CNTN1: variants seen among roughly 807,000 people sequenced by gnomAD.
CNTN1 encodes the protein contactin-1.
Under a neutral mutation model 126.4 loss-of-function variants are expected in CNTN1, and 38 were observed. That is an observed-to-expected ratio of 0.30 (90% CI 0.23 to 0.39). The LOEUF is 0.39. Ranked by LOEUF, CNTN1 falls within the 10% of genes least tolerant of loss-of-function variation. CNTN1 has a pLI of 1.00. For synonymous variants in CNTN1, 413 were observed against 422.6 expected (o/e 0.98, Z 0.28); for missense variants, 1,009 against 1,248.4 (o/e 0.81, Z 2.89).
intron 1 of CNTN1, among the ~76,000 whole-genome samples, chr12:40,781,135 T>A (rs907129933): frequency 2.6e-5 from 4 of 151,874 alleles, no homozygotes; most frequent in African/African-American, 9.7e-5. Flanking sequence ...GCAAAGAGAA[T>A]AGTGCATCTT....
chr12:40,841,421 A>G (rs67460503), intron 1 of CNTN1, among the ~76,000 whole-genome samples: 3,031 of 152,196 alleles, frequency 0.02, 35 homozygotes, highest in African/African-American at 0.029. Flanking sequence ...TATTCTCCCT[A>G]TCTCATTTTA....
chr12:40,822,146 A>ATTTTTT (rs1315956279), intron 1 of CNTN1, among the ~76,000 whole-genome samples: 1 of 81,894 alleles, frequency 1.2e-5, no homozygotes, highest in South Asian at 4.2e-4. Context: ...CAAAATATAA[A>ATTTTTT]TCTTTTTTTT....
intron 23 of CNTN1, among the ~76,000 whole-genome samples, chr12:41,046,187 C>T (rs767777791): frequency 1.8e-4 from 28 of 152,052 alleles, no homozygotes; most frequent in Non-Finnish European, 2.5e-4. Context: ...TGTCCTGTGT[C>T]CTGCCTCAGC....
At chr12:41,023,958 T>C (rs202079925) in intron 20 of CNTN1, among the ~76,000 whole-genome samples, 1 of 152,186 alleles carries the variant, frequency 6.6e-6, no homozygotes, top group East Asian at 1.9e-4. Context: ...ACAAACGTGC[T>C]ATTTGTCTTG....
At chr12:41,047,878 T>C (rs578081134) in intron 23 of CNTN1, among the ~76,000 whole-genome samples, 2 of 152,156 alleles carry the variant, frequency 1.3e-5, no homozygotes, top group South Asian at 4.2e-4. Context: ...CCACTTCCTA[T>C]CTTTACTCTT....
intron 1 of CNTN1, among the ~76,000 whole-genome samples, chr12:40,836,347 A>C (rs1942061023): frequency 2.0e-5 from 3 of 150,774 alleles, no homozygotes; most frequent in Admixed American, 6.6e-5. Context: ...AGATGCAATG[A>C]TATTATATTC....
chr12:41,015,034 C>T (rs1200101726), intron 18 of CNTN1, among the ~76,000 whole-genome samples: 1 of 152,024 alleles, frequency 6.6e-6, no homozygotes, highest in Non-Finnish European at 1.5e-5. Context: ...AATTTAGGCT[C>T]CAAAGGATTT....
intron 1 of CNTN1, among the ~76,000 whole-genome samples, chr12:40,720,799 C>T (rs1426814907): frequency 6.6e-6 from 1 of 151,772 alleles, no homozygotes; most frequent in Non-Finnish European, 1.5e-5. Context: ...CGTGGCAGTG[C>T]ATGCCTGTAA....
intron 1 of CNTN1, among the ~76,000 whole-genome samples, chr12:40,907,527 A>G (rs1007747436): frequency 2.6e-5 from 4 of 152,228 alleles, no homozygotes; most frequent in Non-Finnish European, 4.4e-5. Flanking sequence ...TCCTGGGTGA[A>G]ACTTTAGCAG....
chr12:40,713,746 C>T (rs1190408060), intron 1 of CNTN1, among the ~76,000 whole-genome samples: 2 of 151,992 alleles, frequency 1.3e-5, no homozygotes, highest in Non-Finnish European at 2.9e-5. Context: ...TCTATATGTT[C>T]CCAATACAAT....
chr12:40,985,081 C>A (rs746646462), intron 16 of CNTN1, among the ~76,000 whole-genome samples: 1 of 151,976 alleles, frequency 6.6e-6, no homozygotes, highest in Admixed American at 6.6e-5. Context: ...AAGTCTTTTA[C>A]TAACAGTTTC....
intron 1 of CNTN1, among the ~76,000 whole-genome samples, chr12:40,715,805 A>G (rs1166537267): frequency 1.3e-5 from 2 of 152,192 alleles, no homozygotes; most frequent in Admixed American, 6.5e-5. Context: ...GTAATATTTT[A>G]AAAGTCAGGA....
Position 40,939,407 on chromosome 12 carries a change from T to C in CNTN1, c.1301T>C (p.Ile434Thr), listed in dbSNP as rs1006011254. 3 of 1,613,944 alleles carry C rather than the reference T, an allele frequency of 1.9e-6. No homozygotes were observed. In the Admixed American group the frequency reaches 5.0e-5, roughly 27 times the overall value. ...GCTGCTAAAGGTGGAAGGGTGATAATTGAATGCAAACCTAAAGCTGCACCG... is the reference window on the plus strand; with the variant it reads ...GCTGCTAAAGGTGGAAGGGTGATAACTGAATGCAAACCTAAAGCTGCACCG... ...ILAAKGGRVI[I>T]ECKPKAAPKP... Residue 434 changes from isoleucine to threonine, a missense_variant, in exon 12 of 24, where the codon ATT (isoleucine) becomes ACT (threonine). Ile to Thr is a moderately conservative substitution (Grantham distance 89, BLOSUM62 -1). Transcript: ENST00000551295.
chr12:40,978,748 C>A (rs1225361834), intron 15 of CNTN1: 1 of 152,060 alleles, frequency 6.6e-6, no homozygotes, highest in Non-Finnish European at 1.5e-5. Flanking sequence ...TCATTTGACA[C>A]CTCAAGAACA....
intron 16 of CNTN1, 113 bp from the exon 17 acceptor site, chr12:40,993,007 T>C: frequency 2.2e-6 from 2 of 927,180 alleles, no homozygotes; most frequent in South Asian, 3.1e-5. Flanking sequence ...AGTTTTTACT[T>C]CAACTCAGTG....
intron 1 of CNTN1, among the ~76,000 whole-genome samples, chr12:40,871,727 A>T (rs1248882660): frequency 6.6e-6 from 1 of 152,184 alleles, no homozygotes; most frequent in African/African-American, 2.4e-5. Context: ...AAAAATGATC[A>T]TGTTCAATGG....
intron 1 of CNTN1, among the ~76,000 whole-genome samples, chr12:40,775,687 AAGAAAGACAGT>A (rs1425132380): frequency 1.3e-5 from 2 of 151,680 alleles, no homozygotes; most frequent in African/African-American, 4.8e-5. Context: ...CATGAGTTTA[AAGAAAGACAGT>A]AGAAAGACAG....
intron 23 of CNTN1, among the ~76,000 whole-genome samples, chr12:41,062,421 C>A (rs1949954851): frequency 6.6e-6 from 1 of 152,074 alleles, no homozygotes; most frequent in Non-Finnish European, 1.5e-5. Context: ...ACTTTTCTAC[C>A]TTACAGATTT....
At chr12:40,715,110 T>C (rs1248182411) in intron 1 of CNTN1, among the ~76,000 whole-genome samples, 1 of 152,212 alleles carries the variant, frequency 6.6e-6, no homozygotes, top group Non-Finnish European at 1.5e-5. Flanking sequence ...CCCATGATTG[T>C]TAAGCATAAA....
Sources: gnomAD v4.1 joint callset for allele counts (sites outside exome capture counted in the v4.1 genomes callset) on GRCh38, gnomAD v4.1.1 for gene constraint, MANE v1.5 for transcripts, NCBI Gene and HGNC (gene_info 2026-07-23, HGNC 2026-07-21) for gene names.